BAZ2B: variants seen among roughly 807,000 people sequenced by gnomAD.
BAZ2B encodes bromodomain adjacent to zinc finger domain 2B, also known as bromodomain adjacent to zinc finger domain protein 2B.
In BAZ2B, 91 loss-of-function variants were observed where a neutral mutation model predicts 246.0. That is an observed-to-expected ratio of 0.37 (90% CI 0.31 to 0.44). The LOEUF (loss-of-function observed/expected upper bound fraction) is 0.44, where lower values mean the gene tolerates loss of function less well. Among genes scored for constraint, BAZ2B ranks in the 20% least tolerant of loss-of-function variants. BAZ2B has a pLI of 1.00. For synonymous variants in BAZ2B, 855 were observed against 860.0 expected (o/e 0.99, Z 0.10); for missense variants, 2,332 against 2,533.7 (o/e 0.92, Z 1.71).
chr2:159,444,796 A>T (rs1410531205), intron 6 of BAZ2B: 1 of 152,610 alleles, frequency 6.6e-6, no homozygotes, highest in Non-Finnish European at 1.5e-5. Flanking sequence ...GTAGGATCAC[A>T]AACTTTTGAC....
intron 1 of BAZ2B, among the ~76,000 whole-genome samples, chr2:159,598,147 C>G (rs986693823): frequency 1.3e-5 from 2 of 152,102 alleles, no homozygotes; most frequent in Non-Finnish European, 2.9e-5. Context: ...GCGCCTGCCA[C>G]CACGCCCAGC....
At chr2:159,335,115 C>G (rs1052681496) in intron 33 of BAZ2B, among the ~76,000 whole-genome samples, 1 of 151,982 alleles carries the variant, frequency 6.6e-6, no homozygotes, top group African/African-American at 2.4e-5. Flanking sequence ...TTAAAAAAAT[C>G]ATTATTGCCT....
At chr2:159,325,209 C>T (rs1162073184) in intron 35 of BAZ2B, among the ~76,000 whole-genome samples, 5 of 140,094 alleles carry the variant, frequency 3.6e-5, no homozygotes, top group African/African-American at 1.3e-4. Context: ...CGGCTCACTA[C>T]AACCCCTGCC....
rs377574330 is a variant in BAZ2B at position 159,543,169 on chromosome 2, T to C, written c.-3+12654A>G. ...CTATTACTTATTATTATCATTATCA[T>C]TTTATAGAGGTTCTAAAAATTTTAG... is the stretch of plus-strand genomic sequence containing the variant. On this transcript the variant is annotated intron_variant, in intron 2 of 36. Coordinates refer to ENST00000392783, the MANE Select transcript of BAZ2B (RefSeq NM_013450.4). Among the ~76,000 whole-genome samples the C allele has an allele frequency of 3.2e-4, 48 of 152,338 alleles. No homozygotes were observed. The East Asian group carries it at 8.1e-3, about 26-fold the overall frequency.
chr2:159,521,691 T>C (rs1170297282), intron 2 of BAZ2B, among the ~76,000 whole-genome samples: 2 of 152,142 alleles, frequency 1.3e-5, no homozygotes, highest in Non-Finnish European at 2.9e-5. Context: ...TATTGCTTTT[T>C]ATTCATCACA....
chr2:159,389,066 A>G (rs2062992794), intron 21 of BAZ2B, among the ~76,000 whole-genome samples: 1 of 151,664 alleles, frequency 6.6e-6, no homozygotes, highest in Non-Finnish European at 1.5e-5. Context: ...CTCCAGCCTA[A>G]ATGACAGAGT....
intron 2 of BAZ2B, among the ~76,000 whole-genome samples, chr2:159,541,350 C>T (rs1380100749): frequency 1.3e-5 from 2 of 151,910 alleles, no homozygotes; most frequent in African/African-American, 2.4e-5. Flanking sequence ...ATGATCTCAG[C>T]TCACTGCAAC....
At chr2:159,408,318 G>C (rs2066278965) in intron 14 of BAZ2B, among the ~76,000 whole-genome samples, 1 of 152,148 alleles carries the variant, frequency 6.6e-6, no homozygotes, top group African/African-American at 2.4e-5. Context: ...GACTATAGGA[G>C]TGCACCACTT....
chr2:159,525,051 C>T (rs1397290866), intron 2 of BAZ2B, among the ~76,000 whole-genome samples: 1 of 152,076 alleles, frequency 6.6e-6, no homozygotes, highest in African/African-American at 2.4e-5. Context: ...GAACATACTA[C>T]CATTTATACC....
At chr2:159,372,905 G>A (rs998251202) in intron 27 of BAZ2B, 140 bp downstream of exon 27, 3 of 983,306 alleles carry the variant, frequency 3.1e-6, no homozygotes, top group Admixed American at 5.9e-5. Context: ...GGCATTATGA[G>A]TGCAAAAGGA....
the BAZ2B span, among the ~76,000 whole-genome samples, chr2:159,682,082 A>C: frequency 6.6e-6 from 1 of 152,106 alleles, no homozygotes; most frequent in East Asian, 1.9e-4. Flanking sequence ...CAGTAAAGGA[A>C]CGTAGTCAAC....
At chr2:159,571,836 T>A (rs145107253) in intron 1 of BAZ2B, among the ~76,000 whole-genome samples, 100 of 152,224 alleles carry the variant, frequency 6.6e-4, no homozygotes, top group African/African-American at 2.2e-3. Flanking sequence ...GTCAAATCCA[T>A]CTCTTGATCA....
chr2:159,527,496 T>G lies in BAZ2B; in HGVS notation c.-3+28327A>C, dbSNP rs530347196. 1.4e-3 allele frequency among the ~76,000 whole-genome samples: 219 copies of G among 152,310 alleles called. 2 individuals are homozygous for G. Among genetic ancestry groups the G allele is most frequent in the Middle Eastern group, 0.01 (3 of 292 alleles). On this transcript the variant is annotated intron_variant, in intron 2 of 36. Coordinates refer to ENST00000392783, the MANE Select transcript of BAZ2B (RefSeq NM_013450.4). ...AGATTTCTTTCTTCTATGGATCATG[T>G]TTTTGCATCACATGGAGAAACTCTT... is the stretch of plus-strand genomic sequence containing the variant.
chr2:159,689,107 A>G, the BAZ2B span: 1 of 272,012 alleles, frequency 3.7e-6, no homozygotes, highest in African/African-American at 2.3e-5. Flanking sequence ...GCCTGAAACA[A>G]TTCCTGACTA....
chr2:159,637,960 C>T, the BAZ2B span, among the ~76,000 whole-genome samples: 1 of 152,222 alleles, frequency 6.6e-6, no homozygotes, highest in Admixed American at 6.5e-5. Context: ...AAGGAAAGGT[C>T]CTTGGGCAAG....
intron 3 of BAZ2B, among the ~76,000 whole-genome samples, chr2:159,471,665 T>C (rs1463403003): frequency 6.6e-6 from 1 of 152,138 alleles, no homozygotes; most frequent in African/African-American, 2.4e-5. Context: ...CATGCTTTTA[T>C]ACTGATGAAC....
chr2:159,426,785 A>G (rs2069996843), intron 13 of BAZ2B, among the ~76,000 whole-genome samples: 1 of 152,118 alleles, frequency 6.6e-6, no homozygotes, highest in African/African-American at 2.4e-5. Context: ...AAATTCCTTT[A>G]AGCTTCCAAA....
At chr2:159,541,164 T>C (rs1468906932) in intron 2 of BAZ2B, among the ~76,000 whole-genome samples, 1 of 152,190 alleles carries the variant, frequency 6.6e-6, no homozygotes, top group Non-Finnish European at 1.5e-5. Context: ...GAGAGAGTTA[T>C]TTAACTTCTA....
At chr2:159,344,128 C>T (rs994382551) in intron 31 of BAZ2B, among the ~76,000 whole-genome samples, 2 of 151,530 alleles carry the variant, frequency 1.3e-5, no homozygotes. Flanking sequence ...TAAACTAGTA[C>T]AGCCACTATG....
Sources: gnomAD v4.1 joint callset for allele counts (sites outside exome capture counted in the v4.1 genomes callset) on GRCh38, gnomAD v4.1.1 for gene constraint, MANE v1.5 for transcripts, NCBI Gene and HGNC (gene_info 2026-07-23, HGNC 2026-07-21) for gene names.